The following RAB40C variants were observed in gnomAD, a reference collection of about 807,000 sequenced individuals.
The protein encoded by RAB40C is RAB40C, member RAS oncogene family.
In RAB40C, 8 loss-of-function variants were observed where a neutral mutation model predicts 28.1. The observed-to-expected ratio is 0.28, with a 90% confidence interval of 0.17 to 0.51. The LOEUF is 0.51. Ranked by LOEUF, RAB40C falls within the 20% of genes least tolerant of loss-of-function variation. The probability of loss-of-function intolerance (pLI) is 0.97; values close to 1 mark genes in which losing one functional copy is unlikely to be tolerated. For synonymous variants in RAB40C, 201 were observed against 171.7 expected (o/e 1.17, Z -1.34); for missense variants, 288 against 405.9 (o/e 0.71, Z 2.50).
intron 3 of RAB40C, among the ~76,000 whole-genome samples, chr16:623,132 GC>G (rs1012985578): frequency 6.6e-6 from 1 of 152,140 alleles, no homozygotes; most frequent in Non-Finnish European, 1.5e-5. Flanking sequence ...TGTGGCCAGG[GC>G]CCCCCGCGTC....
At position 627,728 on chromosome 16, in the gene RAB40C, T is replaced by C. The variant is rs760011767; in HGVS notation, c.*106T>C. 5.9e-6 allele frequency: 8 copies of C among 1,348,516 alleles called. No individual in the cohort carries two copies. Among genetic ancestry groups the C allele is most frequent in the Non-Finnish European group, 7.9e-6 (8 of 1,013,444 alleles). The allele number at this position is 1,348,516 out of a possible 1,614,324, so 83.5% of individuals were successfully genotyped here. On this transcript the variant is annotated 3_prime_UTR_variant, in exon 6 of 6. Coordinates refer to ENST00000248139, the MANE Select transcript of RAB40C (RefSeq NM_021168.5). Reference sequence around the variant, plus strand: ...CCTACGTGGAGACTGTCCACACAGCTGCCTCAGAAGCGCCGGGCTTTCCTC... The same window carrying C: ...CCTACGTGGAGACTGTCCACACAGCCGCCTCAGAAGCGCCGGGCTTTCCTC...
At chr16:622,721 G>A (rs530095284) in intron 3 of RAB40C, among the ~76,000 whole-genome samples, 15 of 152,190 alleles carry the variant, frequency 9.9e-5, no homozygotes, top group Non-Finnish European at 2.2e-4. Flanking sequence ...GGCCAGGATG[G>A]TCTCCATCTC....
intron 3 of RAB40C, among the ~76,000 whole-genome samples, chr16:621,691 G>C (rs952947343): frequency 1.2e-4 from 19 of 152,376 alleles, no homozygotes; most frequent in Admixed American, 1.1e-3. Flanking sequence ...CAGGTCCCTT[G>C]GTGTGTGGAG....
At chr16:622,453 G>A (rs962775374) in intron 3 of RAB40C, among the ~76,000 whole-genome samples, 4 of 152,188 alleles carry the variant, frequency 2.6e-5, no homozygotes, top group African/African-American at 9.6e-5. Context: ...GCTCCTAGAG[G>A]GGCCTAGAGC....
chr16:613,204 C>A (rs918295157), intron 1 of RAB40C, among the ~76,000 whole-genome samples: 8 of 138,916 alleles, frequency 5.8e-5, no homozygotes, highest in Non-Finnish European at 1.1e-4. Flanking sequence ...CCTGTAGAAT[C>A]AGCAGGGACA....
chr16:618,760 G>C (rs910822892), intron 3 of RAB40C, among the ~76,000 whole-genome samples: 1 of 144,616 alleles, frequency 6.9e-6, no homozygotes, highest in Non-Finnish European at 1.5e-5. Context: ...GACGCACTGG[G>C]GCCATGTGTG....
chr16:619,377 T>C (rs997780373), intron 3 of RAB40C, among the ~76,000 whole-genome samples: 10 of 152,144 alleles, frequency 6.6e-5, no homozygotes, highest in South Asian at 4.2e-4. Flanking sequence ...ACTGGGGCCA[T>C]GTGTGCAGTG....
In RAB40C at chr16:627,368, C is replaced by A; in HGVS notation, c.592C>A (p.Arg198=). 1.9e-6 allele frequency: 3 copies of A among 1,613,552 alleles called. No homozygotes were observed. The highest frequency in any genetic ancestry group is 1.7e-6 in the Non-Finnish European group (2 of 1,179,918). The change falls in exon 6 of 6, where the codon CGG becomes AGG. Residue 198 remains arginine (R), a synonymous_variant. Coordinates refer to ENST00000248139, the MANE Select transcript of RAB40C (RefSeq NM_021168.5). The stretch of plus-strand genomic sequence containing the variant: ...GTTCAGCCTGCAGGACCTCTGCTGC[C>A]GGGCCATCGTCTCCTGCACCCCCGT... ...RVFSLQDLCC[R]AIVSCTPVHL... is the part of the protein sequence containing the mutation.
At chr16:621,211 C>G (rs75405768) in intron 3 of RAB40C, among the ~76,000 whole-genome samples, 1 of 152,208 alleles carries the variant, frequency 6.6e-6, no homozygotes, top group Admixed American at 6.5e-5. Context: ...CTCTGACCGC[C>G]GTGACTGAGC....
rs2036634236 is a variant in RAB40C, at chr16:618,395, ATTTG to A, written c.264+143_264+146del. 1.2e-5 allele frequency: 12 copies of A among 963,614 alleles called. No homozygotes were observed. In the East Asian group the frequency reaches 3.6e-4, roughly 29 times the overall value. 59.7% of individuals were successfully genotyped at this position (963,614 alleles called of 1,614,324 possible). A position where few individuals can be genotyped will look rare whatever the true frequency, so the allele number is the denominator to read the frequency against. On this transcript the variant is annotated intron_variant, in intron 3 of 5. Transcript: ENST00000248139. ...AGGATATTCTCACATTGGTTTGTTT[ATTTG>A]TTTGTTTTGAGACAGAGACTCACTC...
intron 1 of RAB40C, among the ~76,000 whole-genome samples, chr16:600,391 G>A (rs956646908): frequency 2.0e-5 from 3 of 152,266 alleles, no homozygotes; most frequent in South Asian, 2.1e-4. Flanking sequence ...AGTGCAAAGT[G>A]TAAGTAATAG....
intron 1 of RAB40C, among the ~76,000 whole-genome samples, chr16:602,551 C>T (rs2036275130): frequency 1.3e-5 from 2 of 152,114 alleles, no homozygotes; most frequent in Non-Finnish European, 2.9e-5. Flanking sequence ...GCCTCAGCCC[C>T]CCGAGTAGCT....
At chr16:615,211 T>C (rs1176253367) in intron 1 of RAB40C, among the ~76,000 whole-genome samples, 1 of 152,204 alleles carries the variant, frequency 6.6e-6, no homozygotes, top group East Asian at 1.9e-4. Context: ...GATGGTGTCC[T>C]TCGATGCATG....
At chr16:595,358 G>C (rs1468828471) in intron 1 of RAB40C, among the ~76,000 whole-genome samples, 1 of 152,192 alleles carries the variant, frequency 6.6e-6, no homozygotes, top group African/African-American at 2.4e-5. Context: ...TGGGGTCCGG[G>C]AGGAGCCGCC....
At chr16:612,901 C>A (rs1307132390) in intron 1 of RAB40C, among the ~76,000 whole-genome samples, 5 of 16,884 alleles carry the variant, frequency 3.0e-4, no homozygotes, top group South Asian at 3.5e-3. Context: ...ATCAAGAGCA[C>A]GGGACAGCCG....
At chr16:619,381 T>G (rs547140224) in intron 3 of RAB40C, among the ~76,000 whole-genome samples, 1 of 152,164 alleles carries the variant, frequency 6.6e-6, no homozygotes, top group Admixed American at 6.5e-5. Flanking sequence ...GGGCCATGTG[T>G]GCAGTGTGTG....
chr16:597,876 G>C (rs569748743), intron 1 of RAB40C, among the ~76,000 whole-genome samples: 1 of 149,254 alleles, frequency 6.7e-6, no homozygotes, highest in Non-Finnish European at 1.5e-5. Context: ...CGAGGTAGGC[G>C]GAGTGCTGGA....
At position 613,955 on chromosome 16, in the gene RAB40C, A is replaced by G. The variant is rs374183691; in HGVS notation, c.143-3253A>G. 1.4e-4 allele frequency among the ~76,000 whole-genome samples: 21 copies of G among 152,340 alleles called. 1 individual carries two copies. Among genetic ancestry groups the G allele is most frequent in the African/African-American group, 4.8e-4 (20 of 41,586 alleles). ...CAGCTTCACACGCAGCTCGGGAAGC[A>G]CACAGTCGGCGCAGATGCTTCCAAA... On this transcript the variant is annotated intron_variant, in intron 1 of 5. Coordinates refer to ENST00000248139, the MANE Select transcript of RAB40C (RefSeq NM_021168.5).
intron 1 of RAB40C, among the ~76,000 whole-genome samples, chr16:594,315 T>G (rs1376500457): frequency 6.6e-6 from 1 of 152,190 alleles, no homozygotes; most frequent in African/African-American, 2.4e-5. Flanking sequence ...ACTCCGGTCC[T>G]TTGAGCCTGG....
Sources: allele counts gnomAD v4.1 joint callset (sites outside exome capture counted in the v4.1 genomes callset), GRCh38; gene constraint gnomAD v4.1.1; transcripts MANE v1.5; gene names NCBI Gene and HGNC (gene_info 2026-07-23, HGNC 2026-07-21).